Variants in TAF5 observed in about 807,000 individuals in gnomAD.
The protein encoded by TAF5 is TATA-box binding protein associated factor 5.
In TAF5, 20 loss-of-function variants were observed where a neutral mutation model predicts 80.9. That is an observed-to-expected ratio of 0.25 (90% CI 0.17 to 0.36). The LOEUF (loss-of-function observed/expected upper bound fraction) is 0.36. Ranked by LOEUF, TAF5 falls within the 10% of genes least tolerant of loss-of-function variation. The pLI is 1.00. For synonymous variants in TAF5, 388 were observed against 406.4 expected (o/e 0.95, Z 0.55); for missense variants, 863 against 1,029.4 (o/e 0.84, Z 2.21).
chr10:103,367,988 A>G lies in TAF5; in HGVS notation c.-2A>G. The G allele has an allele frequency of 6.8e-7, 1 of 1,461,394 alleles. No homozygotes were observed. Among genetic ancestry groups the G allele is most frequent in the Non-Finnish European group, 9.0e-7 (1 of 1,113,994 alleles). 90.5% of individuals were successfully genotyped at this position (1,461,394 alleles called of 1,614,324 possible). On this transcript the variant is annotated 5_prime_UTR_variant, in exon 1 of 11. Coordinates refer to ENST00000369839, the MANE Select transcript of TAF5 (RefSeq NM_006951.5). Reference sequence around the variant, plus strand: ...GACGGCGCGAGGTGGCTCAGCCGCAAGATGGCGGCGCTGGCGGAGGAGCAG... The same window carrying G: ...GACGGCGCGAGGTGGCTCAGCCGCAGGATGGCGGCGCTGGCGGAGGAGCAG...
chr10:103,380,129 T>A, intron 5 of TAF5, 110 bp downstream of exon 5: 1 of 1,220,588 alleles, frequency 8.2e-7, no homozygotes, highest in Non-Finnish European at 1.1e-6. Flanking sequence ...TTATTTAAAC[T>A]CCTTTTTTTT....
rs897205424 is a variant in TAF5, at chr10:103,374,848, C to T, written c.797+1253C>T. 6.6e-6 allele frequency among the ~76,000 whole-genome samples: 1 copy of T among 152,056 alleles called. No individual in the cohort carries two copies. The highest frequency in any genetic ancestry group is 2.1e-4 in the South Asian group (1 of 4,820). Reference sequence around the variant, plus strand: ...CATTTGAAAATGTGTAGAGGTGGCCCGGCGCTGCGGCTCACGCCTTTAATC... The same window carrying T: ...CATTTGAAAATGTGTAGAGGTGGCCTGGCGCTGCGGCTCACGCCTTTAATC... On this transcript the variant is annotated intron_variant, in intron 2 of 10. Coordinates refer to ENST00000369839, the MANE Select transcript of TAF5 (RefSeq NM_006951.5). This position sits in a 1 kb window ranked among gnomAD's most constrained non-coding sequence, Gnocchi z 4.3.
At chr10:103,368,680 G>T in intron 1 of TAF5, 132 bp downstream of exon 1, 2 of 1,234,968 alleles carry the variant, frequency 1.6e-6, no homozygotes, top group African/African-American at 3.2e-5. Context: ...CCACATGCCC[G>T]CCCCTTTCTC....
chr10:103,379,722 A>G lies in TAF5; in HGVS notation c.1228A>G (p.Ile410Val), dbSNP rs1257506138. ...AAAGAAGAAGCCTAAAAAAGATAGT[A>G]TTGGATCCAAAAGCAAAAAACAAGA... ...PKKKKPKKDS[I>V]GSKSKKQDPN... The change falls in exon 4 of 11, where the codon ATT becomes GTT. Residue 410 changes from isoleucine to valine, a missense_variant. Physicochemically the swap from Ile to Val is conservative, Grantham distance 29. Transcript: ENST00000369839. 6.2e-7 allele frequency: 1 copy of G among 1,606,092 alleles called. No individual in the cohort carries two copies. The highest frequency in any genetic ancestry group is 8.5e-7 in the Non-Finnish European group (1 of 1,178,476).
intron 5 of TAF5, among the ~76,000 whole-genome samples, chr10:103,380,353 C>T (rs1487488186): frequency 2.0e-5 from 3 of 152,168 alleles, no homozygotes; most frequent in East Asian, 1.9e-4. Context: ...TGGTCTCGAT[C>T]TCCTGACCTT....
chr10:103,371,692 G>T (rs2093359907), intron 1 of TAF5, among the ~76,000 whole-genome samples: 1 of 152,168 alleles, frequency 6.6e-6, no homozygotes, highest in South Asian at 2.1e-4. Context: ...CTTACATTTT[G>T]TAAGGGGTAA....
At chr10:103,372,427 C>T (rs1245676487) in intron 1 of TAF5, among the ~76,000 whole-genome samples, 3 of 149,960 alleles carry the variant, frequency 2.0e-5, no homozygotes, top group African/African-American at 7.4e-5. Flanking sequence ...CTCCACCTCC[C>T]GAGTTCATGC....
intron 8 of TAF5, among the ~76,000 whole-genome samples, chr10:103,385,822 G>T (rs2093394630): frequency 6.7e-6 from 1 of 150,254 alleles, no homozygotes; most frequent in Admixed American, 6.7e-5. Flanking sequence ...CTATTCAGGA[G>T]GCTGAGGCAG....
At chr10:103,373,866 A>T (rs1480178895) in intron 2 of TAF5, among the ~76,000 whole-genome samples, 1 of 152,122 alleles carries the variant, frequency 6.6e-6, no homozygotes, top group Non-Finnish European at 1.5e-5. Flanking sequence ...GAAGAGGGAA[A>T]AGCATGTGTA....
At chr10:103,383,175 T>C (rs1391314148) in intron 6 of TAF5, 63 bp from the exon 7 acceptor site, 1 of 1,435,098 alleles carries the variant, frequency 7.0e-7, no homozygotes. Context: ...CACTGTGATA[T>C]GATTACTTTA....
chr10:103,379,285 A>G (rs950109968), intron 3 of TAF5, among the ~76,000 whole-genome samples: 1 of 152,224 alleles, frequency 6.6e-6, no homozygotes, highest in Non-Finnish European at 1.5e-5. Context: ...GACAAAAGGC[A>G]TATCTCTGCT....
chr10:103,381,688 T>C (rs775085563), intron 5 of TAF5, 33 bp from the exon 6 acceptor site: 3 of 1,611,706 alleles, frequency 1.9e-6, no homozygotes, highest in Non-Finnish European at 2.5e-6. Flanking sequence ...TATCCTAAAA[T>C]AGTATTGTTT....
At chr10:103,369,967 A>T (rs1005568064) in intron 1 of TAF5, among the ~76,000 whole-genome samples, 2 of 151,948 alleles carry the variant, frequency 1.3e-5, no homozygotes, top group South Asian at 4.1e-4. Context: ...GTCGTGGCTC[A>T]TGCCTGTGAA....
At position 103,373,384 on chromosome 10, in the gene TAF5, C is replaced by T. The variant is rs562476143; in HGVS notation, c.586C>T (p.Pro196Ser). ...TGGAAGTGTTGCTGTGGAAGACCAG[C>T]CAGATGTCAGTGCCGTGTTGTCAGC... ...KVGSVAVEDQ[P>S]DVSAVLSAYN... The change falls in exon 2 of 11, where the codon CCA becomes TCA. Residue 196 changes from proline (P) to serine (S), a missense_variant. Physicochemically the swap from Pro to Ser is moderately conservative, Grantham distance 74. Coordinates refer to ENST00000369839, the MANE Select transcript of TAF5 (RefSeq NM_006951.5). The T allele has an allele frequency of 4.3e-6, 7 of 1,614,002 alleles. No homozygotes were observed. Among genetic ancestry groups the T allele is most frequent in the African/African-American group, 1.3e-5 (1 of 74,986 alleles).
chr10:103,373,145 C>A (rs977192237), intron 1 of TAF5, among the ~76,000 whole-genome samples: 1 of 151,266 alleles, frequency 6.6e-6, no homozygotes. Context: ...TGCAGTGAGC[C>A]GAGATCTCCC....
chr10:103,384,339 A>G (rs1353263179), intron 7 of TAF5, among the ~76,000 whole-genome samples: 1 of 152,094 alleles, frequency 6.6e-6, no homozygotes, highest in Non-Finnish European at 1.5e-5. Context: ...TGGATAGATA[A>G]TAGCTTTCAG....
chr10:103,368,256 C>T lies in TAF5; in HGVS notation c.267C>T (p.Gly89=), dbSNP rs765991440. Residue 89 remains glycine, a synonymous_variant, in exon 1 of 11, where the codon GGC becomes GGT. Coordinates refer to ENST00000369839, the MANE Select transcript of TAF5 (RefSeq NM_006951.5). ...APVPAAAPDA[G]APHDRQTLLA... is the part of the protein sequence containing the mutation. The stretch of plus-strand genomic sequence containing the variant: ...TGCCCGCCGCTGCTCCGGACGCCGG[C>T]GCTCCGCATGACCGACAGACTCTAC... The T allele has an allele frequency of 4.3e-5, 65 of 1,516,768 alleles. No homozygotes were observed. The African/African-American group carries it at 8.7e-4, about 20-fold the overall frequency. 94.0% of individuals were successfully genotyped at this position (1,516,768 alleles called of 1,614,324 possible). A position where few individuals can be genotyped will look rare whatever the true frequency, so the allele number is the denominator to read the frequency against.
At chr10:103,377,455 A>G (rs1367508430) in intron 2 of TAF5, among the ~76,000 whole-genome samples, 8 of 152,220 alleles carry the variant, frequency 5.3e-5, no homozygotes, top group Non-Finnish European at 1.5e-5. Flanking sequence ...CATTGTTTTA[A>G]AAATGTTTTT....
At chr10:103,381,984 TG>T in intron 6 of TAF5, 143 bp downstream of exon 6, 1 of 1,236,972 alleles carries the variant, frequency 8.1e-7, no homozygotes, top group Non-Finnish European at 1.1e-6. Flanking sequence ...TTCCCAACAG[TG>T]AAAAAAGCTT....
Sources: allele counts gnomAD v4.1 joint callset (sites outside exome capture counted in the v4.1 genomes callset), GRCh38; gene constraint gnomAD v4.1.1; non-coding constraint Gnocchi (gnomAD v3.1); transcripts MANE v1.5; gene names NCBI Gene and HGNC (gene_info 2026-07-23, HGNC 2026-07-21).